ALDH1L2: variants seen among roughly 807,000 people sequenced by gnomAD.
ALDH1L2 encodes the protein mitochondrial 10-formyltetrahydrofolate dehydrogenase.
ALDH1L2 carries 91 observed loss-of-function variants against 111.0 expected under a neutral mutation model. That is an observed-to-expected ratio of 0.82 (90% CI 0.69 to 0.98). The LOEUF (loss-of-function observed/expected upper bound fraction) is 0.98. Among genes scored for constraint, ALDH1L2 ranks in the 50% least tolerant of loss-of-function variants. ALDH1L2 has a pLI of 0.00. For missense variants in ALDH1L2, 995 were observed against 1,126.8 expected, an observed-to-expected ratio of 0.88 and a Z score of 1.67; for synonymous variants, 374 against 392.6, an observed-to-expected ratio of 0.95 and a Z score of 0.56.
At chr12:105,056,785 A>T (rs1876655278) in intron 10 of ALDH1L2, among the ~76,000 whole-genome samples, 5 of 150,946 alleles carry the variant, frequency 3.3e-5, no homozygotes. Context: ...CAGTTAAATT[A>T]AAAATAAGGG....
At chr12:105,028,934 C>G (rs1043165993) in intron 21 of ALDH1L2, among the ~76,000 whole-genome samples, 1 of 151,912 alleles carries the variant, frequency 6.6e-6, no homozygotes, top group Non-Finnish European at 1.5e-5. Flanking sequence ...CATAAAACTT[C>G]ATTAAATGTA....
chr12:105,066,098 G>C (rs1477084574), intron 5 of ALDH1L2, among the ~76,000 whole-genome samples: 1 of 152,304 alleles, frequency 6.6e-6, no homozygotes, highest in African/African-American at 2.4e-5. Flanking sequence ...ACAGGCATGA[G>C]CCACTGTGCC....
At position 105,026,318 on chromosome 12, in the gene ALDH1L2, T is replaced by C. The variant is rs989077061; in HGVS notation, c.2716+227A>G. On this transcript the variant is annotated intron_variant, in intron 22 of 22. Transcript: ENST00000258494. ...TTCTTTTTCCTTTCAAACATTAATC[T>C]TTTTTGAAAAGAAATATCTTTCCAC... Among the ~76,000 whole-genome samples, 8 of 152,374 alleles carry C rather than the reference T, an allele frequency of 5.3e-5. No homozygotes were observed. The East Asian group carries it at 1.5e-3, about 29-fold the overall frequency.
At chr12:105,061,539 C>G in intron 8 of ALDH1L2, 88 bp downstream of exon 8, 1 of 1,538,188 alleles carries the variant, frequency 6.5e-7, no homozygotes, top group South Asian at 1.2e-5. Context: ...AAGTTCTGAT[C>G]CCACTACTTT....
intron 15 of ALDH1L2, among the ~76,000 whole-genome samples, chr12:105,043,015 T>C (rs1801831140): frequency 6.6e-6 from 1 of 152,240 alleles, no homozygotes; most frequent in Non-Finnish European, 1.5e-5. Flanking sequence ...CTTTTATTTA[T>C]ATATTTTAGC....
intron 19 of ALDH1L2, among the ~76,000 whole-genome samples, chr12:105,033,475 A>G (rs1420523321): frequency 6.6e-6 from 1 of 152,128 alleles, no homozygotes; most frequent in East Asian, 1.9e-4. Context: ...GCCTGTCTAT[A>G]TGACTTCCTT....
intron 1 of ALDH1L2, among the ~76,000 whole-genome samples, chr12:105,081,195 TACAAGGGACA>T (rs1430290683): frequency 6.6e-6 from 1 of 152,198 alleles, no homozygotes; most frequent in Non-Finnish European, 1.5e-5. Context: ...CCCCTATGAA[TACAAGGGACA>T]ACAAGGGACA....
rs759718536 is a variant in ALDH1L2 at position 105,039,756 on chromosome 12, C to G, written c.2002G>C (p.Gly668Arg). The G allele has an allele frequency of 2.5e-6, 4 of 1,613,862 alleles. No homozygotes were observed. The highest frequency in any genetic ancestry group is 3.3e-5 in the Admixed American group (2 of 59,980). Residue 668 changes from glycine (G) to arginine (R), a missense_variant, in exon 17 of 23, where the codon GGT (glycine) becomes CGT (arginine). By Grantham distance (125) the Gly-to-Arg change is moderately radical. Coordinates refer to ENST00000258494, the MANE Select transcript of ALDH1L2 (RefSeq NM_001034173.4). The part of the protein sequence containing the change: ...LSEHPDIRKL[G>R]FTGSTPIGKQ... ...CCAATAGGAGTGGATCCAGTGAAACCAAGTTTGCGGATGTCAGGATGTTCA... is the reference window on the plus strand; with the variant it reads ...CCAATAGGAGTGGATCCAGTGAAACGAAGTTTGCGGATGTCAGGATGTTCA...
chr12:105,056,777 G>A (rs1876654674), intron 10 of ALDH1L2, among the ~76,000 whole-genome samples: 1 of 149,898 alleles, frequency 6.7e-6, no homozygotes, highest in South Asian at 2.2e-4. Context: ...TAAAAATACA[G>A]TTAAATTAAA....
Position 105,073,842 on chromosome 12 carries a change from C to T in ALDH1L2, c.193+19G>A, listed in dbSNP as rs777864671. On this transcript the variant is annotated intron_variant, in intron 2 of 22. Coordinates refer to ENST00000258494, the MANE Select transcript of ALDH1L2 (RefSeq NM_001034173.4). ...AGGACCTGAGAATTCTTGACCCAGT[C>T]ATCCCAAGATGCACTCACCCAGAGG... The T allele has an allele frequency of 1.9e-6, 3 of 1,613,460 alleles. No homozygotes were observed. The highest frequency in any genetic ancestry group is 1.1e-5 in the South Asian group (1 of 90,938).
intron 10 of ALDH1L2, among the ~76,000 whole-genome samples, chr12:105,053,145 C>T (rs1385723334): frequency 1.3e-5 from 2 of 152,198 alleles, no homozygotes; most frequent in East Asian, 3.8e-4. Flanking sequence ...GACAGAAGTG[C>T]TCTAGGCCAG....
intron 18 of ALDH1L2, among the ~76,000 whole-genome samples, chr12:105,037,770 CT>C (rs71069784): frequency 4.1e-4 from 59 of 143,806 alleles, no homozygotes; most frequent in Admixed American, 4.2e-4. Flanking sequence ...ATTTTTTTTT[CT>C]TTTTTTTTTT....
chr12:105,055,728 A>G (rs1230351794), intron 10 of ALDH1L2, among the ~76,000 whole-genome samples: 1 of 152,212 alleles, frequency 6.6e-6, no homozygotes, highest in Non-Finnish European at 1.5e-5. Context: ...GAGAATATCA[A>G]TGAAGAGATA....
chr12:105,027,992 A>C (rs1489390977), intron 21 of ALDH1L2, among the ~76,000 whole-genome samples: 1 of 152,152 alleles, frequency 6.6e-6, no homozygotes, highest in Non-Finnish European at 1.5e-5. Context: ...CTCTTTTCTC[A>C]GTTGAGTCGA....
intron 6 of ALDH1L2, 103 bp from the exon 7 acceptor site, chr12:105,063,125 C>T: frequency 2.3e-6 from 3 of 1,278,604 alleles, no homozygotes; most frequent in Middle Eastern, 2.5e-4. Flanking sequence ...TTCATATTAT[C>T]ATCTGTAATA....
intron 13 of ALDH1L2, 63 bp downstream of exon 13, chr12:105,049,845 C>T (rs988281150): frequency 7.2e-6 from 11 of 1,521,336 alleles, no homozygotes; most frequent in Admixed American, 5.9e-5. Flanking sequence ...TGACACAGTG[C>T]CTGGTACAAA....
At chr12:105,030,207 C>T in intron 21 of ALDH1L2, 117 bp downstream of exon 21, 2 of 588,592 alleles carry the variant, frequency 3.4e-6, no homozygotes, top group Non-Finnish European at 5.3e-6. Flanking sequence ...GTTAATTATT[C>T]TTATGGTAGA....
Position 105,046,974 on chromosome 12 carries a change from A to C in ALDH1L2, c.1687-5T>G. Reference sequence around the variant, plus strand: ...GTTGATTGGAATAGTAGAACCCTAAAGAATGAGAAAAGTTGATACTTATTT... The same window carrying C: ...GTTGATTGGAATAGTAGAACCCTAACGAATGAGAAAAGTTGATACTTATTT... On this transcript the variant is annotated splice_polypyrimidine_tract_variant and splice_region_variant and intron_variant, in intron 13 of 22. Transcript: ENST00000258494. 1 of 1,613,536 alleles carries C rather than the reference A, an allele frequency of 6.2e-7. No individual in the cohort carries two copies. The highest frequency in any genetic ancestry group is 1.3e-5 in the African/African-American group (1 of 75,036).
At chr12:105,074,655 G>A (rs543079025) in intron 1 of ALDH1L2, among the ~76,000 whole-genome samples, 2 of 151,988 alleles carry the variant, frequency 1.3e-5, no homozygotes, top group South Asian at 2.1e-4. Context: ...AATCTAAATG[G>A]GATTCGCTAA....
Sources: allele counts gnomAD v4.1 joint callset (sites outside exome capture counted in the v4.1 genomes callset), GRCh38; gene constraint gnomAD v4.1.1; transcripts MANE v1.5; gene names NCBI Gene and HGNC (gene_info 2026-07-23, HGNC 2026-07-21).